Variants in CLYBL observed in about 807,000 individuals in gnomAD.
CLYBL encodes citramalyl-CoA lyase, mitochondrial.
In CLYBL, 31 loss-of-function variants were observed where a neutral mutation model predicts 38.9. The ratio of observed to expected loss-of-function variants is 0.80; its 90% CI spans 0.60 to 1.08. The LOEUF is 1.08. Among genes scored for constraint, CLYBL ranks in the 50% least tolerant of loss-of-function variants. The pLI, the probability that CLYBL is intolerant of heterozygous loss-of-function variation, is 0.00. For synonymous variants in CLYBL, 171 were observed against 158.6 expected (o/e 1.08, Z -0.59); for missense variants, 434 against 411.6 (o/e 1.05, Z -0.47).
intron 2 of CLYBL, among the ~76,000 whole-genome samples, chr13:99,786,537 C>T (rs1446196898): frequency 6.6e-6 from 1 of 152,118 alleles, no homozygotes; most frequent in Non-Finnish European, 1.5e-5. Context: ...GACATGAACT[C>T]ATCCTTTTTT....
chr13:99,757,188 C>T (rs1385742484), intron 1 of CLYBL, among the ~76,000 whole-genome samples: 1 of 152,296 alleles, frequency 6.6e-6, no homozygotes, highest in East Asian at 1.9e-4. Context: ...GCGTGAGCCA[C>T]CATACCCGGC....
chr13:99,758,306 G>A (rs376228324), intron 1 of CLYBL, among the ~76,000 whole-genome samples: 2 of 152,176 alleles, frequency 1.3e-5, no homozygotes, highest in Non-Finnish European at 2.9e-5. Flanking sequence ...ACAAGGCCAG[G>A]TGGGGGCCCC....
intron 1 of CLYBL, among the ~76,000 whole-genome samples, chr13:99,699,026 C>T (rs950045908): frequency 1.3e-5 from 2 of 152,016 alleles, no homozygotes; most frequent in Admixed American, 6.6e-5. Context: ...AGTCATTTTT[C>T]GGAGTAAGAT....
chr13:99,909,266 C>T (rs1484807191), exon 10 of CLYBL, among the ~76,000 whole-genome samples: 1 of 152,218 alleles, frequency 6.6e-6, no homozygotes, highest in East Asian at 1.9e-4. Flanking sequence ...TTACCTTGGA[C>T]ATGTTACTTC....
intron 1 of CLYBL, among the ~76,000 whole-genome samples, chr13:99,731,923 C>G (rs904746191): frequency 5.3e-5 from 8 of 152,124 alleles, no homozygotes; most frequent in Non-Finnish European, 1.0e-4. Context: ...AATTGCTTCT[C>G]CCCTGGAGGC....
At chr13:99,658,971 T>G (rs1204666587) in intron 1 of CLYBL, among the ~76,000 whole-genome samples, 1 of 152,212 alleles carries the variant, frequency 6.6e-6, no homozygotes, top group Non-Finnish European at 1.5e-5. Flanking sequence ...TACCGTCTCT[T>G]CACTTTTTAC....
chr13:99,854,664 C>T (rs571898978), intron 2 of CLYBL, among the ~76,000 whole-genome samples: 32 of 152,158 alleles, frequency 2.1e-4, no homozygotes, highest in South Asian at 1.7e-3. Context: ...TAGAAACTTG[C>T]GAGGATGATT....
At chr13:99,824,089 A>G (rs1302159876) in intron 2 of CLYBL, among the ~76,000 whole-genome samples, 1 of 152,222 alleles carries the variant, frequency 6.6e-6, no homozygotes, top group Non-Finnish European at 1.5e-5. Flanking sequence ...TTTTATCCTC[A>G]CAGATCAGGC....
chr13:99,652,754 C>T (rs2047273352), intron 1 of CLYBL, among the ~76,000 whole-genome samples: 1 of 152,222 alleles, frequency 6.6e-6, no homozygotes, highest in African/African-American at 2.4e-5. Context: ...AGGGAGAAGC[C>T]ACTCAGAGGC....
chr13:99,764,165 T>C (rs375779733), intron 1 of CLYBL, among the ~76,000 whole-genome samples: 5 of 152,008 alleles, frequency 3.3e-5, no homozygotes, highest in African/African-American at 1.2e-4. Context: ...CTCAAGGGAT[T>C]CTCTGCCTCA....
At chr13:99,842,279 A>C (rs111535262) in intron 2 of CLYBL, among the ~76,000 whole-genome samples, 1 of 152,286 alleles carries the variant, frequency 6.6e-6, no homozygotes, top group African/African-American at 2.4e-5. Flanking sequence ...TTCAAGGATA[A>C]GGATGTTCCT....
At chr13:99,743,006 A>G (rs1463921876) in intron 1 of CLYBL, among the ~76,000 whole-genome samples, 17 of 149,214 alleles carry the variant, frequency 1.1e-4, no homozygotes, top group Admixed American at 1.1e-3. Context: ...AGAAGAGGGT[A>G]GCGGGCTTTT....
intron 2 of CLYBL, among the ~76,000 whole-genome samples, chr13:99,827,526 C>T (rs189146321): frequency 2.0e-5 from 3 of 152,268 alleles, no homozygotes. Flanking sequence ...CTGGACAGGA[C>T]CTCCCCTTAG....
intron 2 of CLYBL, among the ~76,000 whole-genome samples, chr13:99,786,371 A>G (rs897606485): frequency 6.6e-6 from 1 of 151,698 alleles, no homozygotes; most frequent in Non-Finnish European, 1.5e-5. Flanking sequence ...CCAACCCCAC[A>G]ACAGACCCTG....
chr13:99,787,217 T>A (rs566964560), intron 2 of CLYBL, among the ~76,000 whole-genome samples: 13 of 152,316 alleles, frequency 8.5e-5, no homozygotes, highest in African/African-American at 2.4e-4. Flanking sequence ...ATCCCATTTG[T>A]CAATTTTGGC....
At position 99,831,721 on chromosome 13, in the gene CLYBL, C is replaced by CT. The variant is rs75837569; in HGVS notation, c.250-27126dup. 3.4e-3 allele frequency among the ~76,000 whole-genome samples: 475 copies of CT among 138,938 alleles called. 3 individuals carry two copies. Among genetic ancestry groups the CT allele is most frequent in the African/African-American group, 8.3e-3 (314 of 37,804 alleles). 91.1% of individuals were successfully genotyped at this position (138,938 alleles called of 152,430 possible). ...TCTTGAGTGAACCACCATTTTCTTT[C>CT]TTTTTTTTTTTTTTGTAGAAGGAAA... On this transcript the variant is annotated intron_variant, in intron 2 of 8. Transcript: ENST00000339105.
At chr13:99,642,032 G>A (rs902238282) in intron 1 of CLYBL, among the ~76,000 whole-genome samples, 1 of 152,196 alleles carries the variant, frequency 6.6e-6, no homozygotes, top group African/African-American at 2.4e-5. Context: ...AAAACCCATA[G>A]GACATGTCTC....
At chr13:99,788,443 A>G (rs1210509141) in intron 2 of CLYBL, among the ~76,000 whole-genome samples, 1 of 152,232 alleles carries the variant, frequency 6.6e-6, no homozygotes, top group Non-Finnish European at 1.5e-5. Context: ...CCTTTTCTGC[A>G]TCTATTGAGA....
intron 1 of CLYBL, among the ~76,000 whole-genome samples, chr13:99,711,303 G>T (rs1475239184): frequency 6.6e-6 from 1 of 151,958 alleles, no homozygotes; most frequent in African/African-American, 2.4e-5. Flanking sequence ...GCAGTGGCAG[G>T]TTCAGTGTCT....
Sources: gnomAD v4.1 joint callset for allele counts (sites outside exome capture counted in the v4.1 genomes callset) on GRCh38, gnomAD v4.1.1 for gene constraint, MANE v1.5 for transcripts, NCBI Gene and HGNC (gene_info 2026-07-23, HGNC 2026-07-21) for gene names.